The following MARCHF1 variants were observed in gnomAD, a reference collection of about 807,000 sequenced individuals.
MARCHF1 encodes the protein membrane associated ring-CH-type finger 1.
In MARCHF1, 40 loss-of-function variants were observed where a neutral mutation model predicts 54.2. The ratio of observed to expected loss-of-function variants is 0.74; its 90% confidence interval spans 0.57 to 0.96. The LOEUF (loss-of-function observed/expected upper bound fraction) is 0.96, where lower values mean the gene tolerates loss of function less well. MARCHF1 is among the 40% of genes least tolerant of loss of function. The pLI, the probability that MARCHF1 is intolerant of heterozygous loss-of-function variation, is 0.00. For missense variants in MARCHF1, 586 were observed against 656.5 expected, an observed-to-expected ratio of 0.89 and a Z score of 1.17; for synonymous variants, 236 against 236.3, an observed-to-expected ratio of 1.00 and a Z score of 0.01.
intron 1 of MARCHF1, among the ~76,000 whole-genome samples, chr4:164,133,800 C>A (rs1404276304): frequency 2.0e-5 from 3 of 152,184 alleles, no homozygotes; most frequent in African/African-American, 7.2e-5. Flanking sequence ...TGCTAGTGGT[C>A]CCATTAACCC....
intron 4 of MARCHF1, among the ~76,000 whole-genome samples, chr4:163,725,817 A>C (rs1458834683): frequency 6.6e-6 from 1 of 152,172 alleles, no homozygotes; most frequent in Non-Finnish European, 1.5e-5. Flanking sequence ...GAAAGAATTA[A>C]ATGAGATATT....
At position 164,160,139 on chromosome 4, in the gene MARCHF1, A is replaced by G. The variant is rs559398286; in HGVS notation, c.-322-48477T>C. Among the ~76,000 whole-genome samples, 4 of 152,302 alleles carry G rather than the reference A, an allele frequency of 2.6e-5. No individual in the cohort carries two copies. The South Asian group carries it at 8.3e-4, about 32-fold the overall frequency. ...GTATAATGGTTTTATTACTTTTCAA[A>G]TTCGATATTTTTATTAGAAATACAG... On this transcript the variant is annotated intron_variant, in intron 1 of 9. Transcript: ENST00000514618.
chr4:164,227,666 G>A (rs139920642), intron 1 of MARCHF1, among the ~76,000 whole-genome samples: 177 of 152,070 alleles, frequency 1.2e-3, no homozygotes, highest in Non-Finnish European at 2.0e-3. Context: ...GAGCACTCTC[G>A]CAATCTCACA....
At chr4:163,735,538 T>A (rs907498669) in intron 4 of MARCHF1, among the ~76,000 whole-genome samples, 1 of 152,168 alleles carries the variant, frequency 6.6e-6, no homozygotes, top group Non-Finnish European at 1.5e-5. Flanking sequence ...GGCTAGGAAG[T>A]CCAAGATTAA....
intron 4 of MARCHF1, among the ~76,000 whole-genome samples, chr4:163,727,185 A>C (rs1745682149): frequency 6.6e-6 from 1 of 152,228 alleles, no homozygotes; most frequent in Non-Finnish European, 1.5e-5. Context: ...TCCTGTAAAA[A>C]TAGTGGCTGT....
At chr4:163,774,558 T>C (rs1312475859) in intron 4 of MARCHF1, among the ~76,000 whole-genome samples, 1 of 148,620 alleles carries the variant, frequency 6.7e-6, no homozygotes, top group Non-Finnish European at 1.5e-5. Context: ...AGTGCAATGG[T>C]GTGATCTCAG....
intron 8 of MARCHF1, among the ~76,000 whole-genome samples, chr4:163,577,003 T>C (rs1038466070): frequency 3.9e-5 from 6 of 152,028 alleles, no homozygotes; most frequent in African/African-American, 1.4e-4. Flanking sequence ...GTGTTTTCTT[T>C]TTTCCTTTTT....
At chr4:164,248,945 G>A (rs1307643822) in intron 1 of MARCHF1, among the ~76,000 whole-genome samples, 2 of 151,760 alleles carry the variant, frequency 1.3e-5, no homozygotes, top group African/African-American at 4.8e-5. Context: ...ATAATTCATT[G>A]GAATATGTAA....
At chr4:164,018,268 A>T (rs896591197) in intron 2 of MARCHF1, among the ~76,000 whole-genome samples, 6 of 152,006 alleles carry the variant, frequency 3.9e-5, no homozygotes, top group Admixed American at 1.3e-4. Flanking sequence ...AGAAATTCAG[A>T]TCATACATAA....
intron 4 of MARCHF1, among the ~76,000 whole-genome samples, chr4:163,745,163 A>G (rs1169544610): frequency 7.0e-6 from 1 of 143,550 alleles, no homozygotes; most frequent in Non-Finnish European, 1.5e-5. Context: ...CCCAGGCTGT[A>G]GTGCAGTGGC....
chr4:163,875,429 C>T (rs1750267488), intron 3 of MARCHF1, among the ~76,000 whole-genome samples: 1 of 152,048 alleles, frequency 6.6e-6, no homozygotes, highest in South Asian at 2.1e-4. Context: ...TCAGAAATAA[C>T]CTTAAATTGG....
chr4:163,976,311 T>C (rs189137450), intron 3 of MARCHF1, among the ~76,000 whole-genome samples: 2 of 152,280 alleles, frequency 1.3e-5, no homozygotes, highest in South Asian at 2.1e-4. Context: ...AGAAAACTTA[T>C]CTGCAGCTGG....
intron 2 of MARCHF1, among the ~76,000 whole-genome samples, chr4:164,090,014 T>A (rs1755267605): frequency 6.6e-6 from 1 of 151,730 alleles, no homozygotes; most frequent in African/African-American, 2.4e-5. Context: ...TTAGAATTCA[T>A]ATTGAACTGG....
chr4:163,930,429 C>G (rs1751645301), intron 3 of MARCHF1, among the ~76,000 whole-genome samples: 1 of 151,132 alleles, frequency 6.6e-6, no homozygotes, highest in Admixed American at 6.6e-5. Context: ...GAGGATGTTA[C>G]CTTAGGAGTT....
chr4:163,583,067 G>A (rs1038751191), intron 8 of MARCHF1, among the ~76,000 whole-genome samples: 3 of 152,180 alleles, frequency 2.0e-5, no homozygotes, highest in African/African-American at 4.8e-5. Flanking sequence ...AAAAGAAGTT[G>A]AAGATTCAGA....
chr4:163,839,462 C>T (rs1475247987), intron 4 of MARCHF1, among the ~76,000 whole-genome samples: 2 of 151,950 alleles, frequency 1.3e-5, no homozygotes, highest in Non-Finnish European at 2.9e-5. Flanking sequence ...GTGAAAACAA[C>T]CCAAATCAAC....
At chr4:164,069,528 A>C (rs1754814719) in intron 2 of MARCHF1, among the ~76,000 whole-genome samples, 1 of 151,974 alleles carries the variant, frequency 6.6e-6, no homozygotes, top group Admixed American at 6.6e-5. Flanking sequence ...AACTCCAGAC[A>C]CGCCGCCTTA....
intron 8 of MARCHF1, among the ~76,000 whole-genome samples, chr4:163,566,406 G>A (rs1293317272): frequency 3.9e-5 from 6 of 152,202 alleles, no homozygotes; most frequent in East Asian, 1.9e-4. Context: ...ACAAAGTTGC[G>A]AAGCACTAGG....
rs546283047 is a variant in MARCHF1, at chr4:164,194,233, G to A, written c.-322-82571C>T. 2.0e-5 allele frequency among the ~76,000 whole-genome samples: 3 copies of A among 152,246 alleles called. No homozygotes were observed. In the South Asian group the frequency reaches 6.2e-4, roughly 32 times the overall value. Reference sequence around the variant, plus strand: ...GAAACATAATTTTAATTTTAATTGTGTGGATTTTTTTCTTTTAGCTTTTTC... The same window carrying A: ...GAAACATAATTTTAATTTTAATTGTATGGATTTTTTTCTTTTAGCTTTTTC... On this transcript the variant is annotated intron_variant, in intron 1 of 9. Transcript: ENST00000514618.
Sources: allele counts gnomAD v4.1 joint callset (sites outside exome capture counted in the v4.1 genomes callset), GRCh38; gene constraint gnomAD v4.1.1; transcripts MANE v1.5; gene names NCBI Gene and HGNC (gene_info 2026-07-23, HGNC 2026-07-21).